Variants in CNTN3 observed in about 807,000 individuals in gnomAD.
CNTN3 encodes the protein contactin 3.
In CNTN3, 60 loss-of-function variants were observed where a neutral mutation model predicts 119.1. The observed-to-expected ratio is 0.50, with a 90% CI of 0.41 to 0.62. The LOEUF is 0.62. CNTN3 is among the 20% of genes least tolerant of loss of function. The probability of loss-of-function intolerance (pLI) is 0.00; values close to 1 mark genes in which losing one functional copy is unlikely to be tolerated. For synonymous variants in CNTN3, 450 were observed against 438.7 expected, an observed-to-expected ratio of 1.03 and a Z score of -0.32; for missense variants, 1,101 against 1,242.4, an observed-to-expected ratio of 0.89 and a Z score of 1.71.
chr3:74,265,413 A>G (rs1388566441), intron 22 of CNTN3, among the ~76,000 whole-genome samples: 1 of 152,204 alleles, frequency 6.6e-6, no homozygotes, highest in Non-Finnish European at 1.5e-5. Flanking sequence ...AGAAGCACAT[A>G]TTCATTATTT....
chr3:74,500,937 A>C (rs1703156450), intron 2 of CNTN3, among the ~76,000 whole-genome samples: 3 of 152,076 alleles, frequency 2.0e-5, no homozygotes, highest in Admixed American at 6.6e-5. Flanking sequence ...GTTAGGCGGC[A>C]TGAGCAAGTT....
At chr3:74,271,954 G>T (rs962205279) in intron 20 of CNTN3, among the ~76,000 whole-genome samples, 5 of 152,248 alleles carry the variant, frequency 3.3e-5, no homozygotes, top group Middle Eastern at 6.8e-3. Flanking sequence ...AACCTAGAAC[G>T]CCAGGGAAGG....
At chr3:74,382,278 T>C (rs1408404827) in intron 5 of CNTN3, among the ~76,000 whole-genome samples, 1 of 152,200 alleles carries the variant, frequency 6.6e-6, no homozygotes, top group Non-Finnish European at 1.5e-5. Flanking sequence ...TATGGGGTAC[T>C]GTGTGATGTT....
At chr3:74,531,112 T>G (rs1466795623) in intron 1 of CNTN3, among the ~76,000 whole-genome samples, 1 of 151,982 alleles carries the variant, frequency 6.6e-6, no homozygotes, top group Non-Finnish European at 1.5e-5. Context: ...ATTATTTCTT[T>G]AACTGTAGAC....
chr3:74,581,404 C>A (rs532537232), intron 1 of CNTN3, among the ~76,000 whole-genome samples: 1 of 152,154 alleles, frequency 6.6e-6, no homozygotes, highest in East Asian at 1.9e-4. Flanking sequence ...CATCACATAA[C>A]CAGGAATTAA....
chr3:74,343,233 C>T (rs1197882251), intron 11 of CNTN3, among the ~76,000 whole-genome samples: 5 of 152,218 alleles, frequency 3.3e-5, no homozygotes, highest in South Asian at 2.1e-4. Context: ...AGGCAGACCA[C>T]CTCAGGCCCT....
intron 3 of CNTN3, among the ~76,000 whole-genome samples, chr3:74,497,609 A>G (rs1703087873): frequency 1.3e-5 from 2 of 151,958 alleles, no homozygotes; most frequent in Admixed American, 6.6e-5. Flanking sequence ...GAAAATTTTT[A>G]AAGTTATAAG....
chr3:74,436,237 A>G (rs1701863812), intron 4 of CNTN3, among the ~76,000 whole-genome samples: 1 of 152,080 alleles, frequency 6.6e-6, no homozygotes, highest in Admixed American at 6.6e-5. Flanking sequence ...AACTAAAAAT[A>G]CCCCTCCTAT....
At chr3:74,348,913 C>A (rs997398987) in intron 11 of CNTN3, among the ~76,000 whole-genome samples, 1 of 151,590 alleles carries the variant, frequency 6.6e-6, no homozygotes, top group African/African-American at 2.4e-5. Context: ...GAGACCCCAT[C>A]TCTATAAAAA....
chr3:74,332,942 T>C (rs1181312372), intron 13 of CNTN3, among the ~76,000 whole-genome samples: 2 of 152,250 alleles, frequency 1.3e-5, no homozygotes, highest in African/African-American at 4.8e-5. Context: ...AATTGTTAAC[T>C]TGTAAGACAG....
At chr3:74,445,736 C>G (rs536810479) in intron 4 of CNTN3, among the ~76,000 whole-genome samples, 12 of 152,274 alleles carry the variant, frequency 7.9e-5, no homozygotes, top group Admixed American at 6.5e-4. Flanking sequence ...AGAATGTGCA[C>G]TATCATTAAG....
intron 2 of CNTN3, among the ~76,000 whole-genome samples, chr3:74,501,717 G>A (rs1469760461): frequency 6.6e-6 from 1 of 151,348 alleles, no homozygotes; most frequent in Non-Finnish European, 1.5e-5. Flanking sequence ...CTTTGAGAAA[G>A]CAGCTTGCTA....
At chr3:74,455,236 G>A (rs971502668) in intron 4 of CNTN3, among the ~76,000 whole-genome samples, 12 of 151,404 alleles carry the variant, frequency 7.9e-5, no homozygotes, top group African/African-American at 2.4e-4. Context: ...TTCCCTTCTC[G>A]CTTCATTTCA....
chr3:74,351,616 G>A (rs992423573), intron 11 of CNTN3, among the ~76,000 whole-genome samples: 5 of 152,144 alleles, frequency 3.3e-5, no homozygotes, highest in African/African-American at 4.8e-5. Context: ...AATGTGCATC[G>A]CAATTCCTAT....
chr3:74,473,904 G>A (rs1398071762), intron 4 of CNTN3, among the ~76,000 whole-genome samples: 2 of 152,164 alleles, frequency 1.3e-5, no homozygotes, highest in African/African-American at 2.4e-5. Flanking sequence ...CCAGGACAGA[G>A]CCCTTGGAAC....
chr3:74,566,196 T>G (rs1704223613), intron 1 of CNTN3, among the ~76,000 whole-genome samples: 1 of 152,062 alleles, frequency 6.6e-6, no homozygotes, highest in Admixed American at 6.6e-5. Flanking sequence ...TGAGGAGAGT[T>G]TAATAGAGGG....
At chr3:74,373,275 A>C (rs1233850775) in intron 5 of CNTN3, among the ~76,000 whole-genome samples, 1 of 152,212 alleles carries the variant, frequency 6.6e-6, no homozygotes, top group African/African-American at 2.4e-5. Context: ...TTTGTTCTGC[A>C]GTTGTTAAAA....
In CNTN3 at chr3:74,504,267, T is replaced by G. The variant is rs900006556; in HGVS notation, c.56-4482A>C. 3.9e-5 allele frequency among the ~76,000 whole-genome samples: 6 copies of G among 152,078 alleles called. No homozygotes were observed. In the East Asian group the frequency reaches 1.2e-3, roughly 29 times the overall value. On this transcript the variant is annotated intron_variant, in intron 2 of 22. Coordinates refer to ENST00000263665, the MANE Select transcript of CNTN3 (RefSeq NM_020872.3). ...GGTAAATCACAACAGGGTGTAAGGG[T>G]AGGCAATGCAATTAAAGACAGAATG...
chr3:74,359,784 T>G (rs554448393), intron 11 of CNTN3, among the ~76,000 whole-genome samples: 1 of 152,304 alleles, frequency 6.6e-6, no homozygotes, highest in Non-Finnish European at 1.5e-5. Flanking sequence ...GTACAAAGCA[T>G]TGATATCCAT....
Sources: gnomAD v4.1 joint callset for allele counts (sites outside exome capture counted in the v4.1 genomes callset) on GRCh38, gnomAD v4.1.1 for gene constraint, MANE v1.5 for transcripts, NCBI Gene and HGNC (gene_info 2026-07-23, HGNC 2026-07-21) for gene names.